The following FERMT2 variants were observed in gnomAD, a reference collection of about 807,000 sequenced individuals.
FERMT2 encodes fermitin family homolog 2.
A neutral mutation model predicts 82.7 loss-of-function variants in FERMT2; 15 were observed. That is an observed-to-expected ratio of 0.18 (90% confidence interval 0.12 to 0.28). FERMT2 has a LOEUF of 0.28. Ranked by LOEUF, FERMT2 falls within the 10% of genes least tolerant of loss-of-function variation. The probability of loss-of-function intolerance (pLI) is 1.00; values close to 1 mark genes in which losing one functional copy is unlikely to be tolerated. For synonymous variants in FERMT2, 274 were observed against 271.5 expected (o/e 1.01, Z -0.09); for missense variants, 645 against 809.4 (o/e 0.80, Z 2.46).
chr14:52,884,805 A>G (rs1886494535), intron 4 of FERMT2, among the ~76,000 whole-genome samples: 1 of 152,024 alleles, frequency 6.6e-6, no homozygotes, highest in South Asian at 2.1e-4. Flanking sequence ...GTTCAAGACC[A>G]GCCTGGCCAA....
In FERMT2 at chr14:52,859,590, T is replaced by C; in HGVS notation, c.1852A>G (p.Asn618Asp). 6.2e-7 allele frequency: 1 copy of C among 1,608,230 alleles called. No homozygotes were observed. The highest frequency in any genetic ancestry group is 8.5e-7 in the Non-Finnish European group (1 of 1,177,056). ...GAGTTTACCATTTTGATTTCCCAGT[T>C]GACATTCCACTGTTTCATGTTGCTG... ...RFSNMKQWNV[N>D]WEIKMVTVEF... Residue 618 changes from asparagine to aspartate, a missense_variant, in exon 14 of 15, where the codon AAC (asparagine) becomes GAC (aspartate). By Grantham distance (23) the Asn-to-Asp change is conservative (BLOSUM62 1). Coordinates refer to ENST00000341590, the MANE Select transcript of FERMT2 (RefSeq NM_006832.3).
At chr14:52,889,332 C>CA (rs1465391604) in intron 4 of FERMT2, among the ~76,000 whole-genome samples, 1 of 152,130 alleles carries the variant, frequency 6.6e-6, no homozygotes, top group African/African-American at 2.4e-5. Flanking sequence ...TTAGGACATT[C>CA]AAAGCTGTCC....
intron 2 of FERMT2, among the ~76,000 whole-genome samples, chr14:52,935,959 T>C (rs17093030): frequency 0.021 from 3,207 of 152,304 alleles, 77 homozygotes; most frequent in East Asian, 0.074. Context: ...ACAGAATGCA[T>C]AAACAGAAAG....
chr14:52,878,005 T>C (rs1371240570), intron 7 of FERMT2, among the ~76,000 whole-genome samples: 8 of 152,172 alleles, frequency 5.3e-5, no homozygotes, highest in Admixed American at 4.6e-4. Flanking sequence ...TAAGCTCCCC[T>C]ATAATTCTGA....
chr14:52,910,621 A>G (rs1483610428), intron 3 of FERMT2, among the ~76,000 whole-genome samples: 4 of 152,236 alleles, frequency 2.6e-5, no homozygotes, highest in African/African-American at 4.8e-5. Context: ...GGAAGAAAAA[A>G]TTATTACACA....
At chr14:52,866,527 T>C (rs1885290273) in intron 10 of FERMT2, among the ~76,000 whole-genome samples, 3 of 152,126 alleles carry the variant, frequency 2.0e-5, no homozygotes, top group Non-Finnish European at 4.4e-5. Flanking sequence ...CCTAGGTAAA[T>C]AAATCCCTCT....
intron 14 of FERMT2, 181 bp downstream of exon 14, chr14:52,859,392 T>A (rs892412539): frequency 5.7e-6 from 3 of 527,694 alleles, no homozygotes; most frequent in Non-Finnish European, 9.2e-6. Flanking sequence ...AGAATTTTAG[T>A]AACTGGGCTA....
At chr14:52,883,705 A>T (rs1414125314) in intron 4 of FERMT2, among the ~76,000 whole-genome samples, 1 of 152,140 alleles carries the variant, frequency 6.6e-6, no homozygotes, top group African/African-American at 2.4e-5. Context: ...GTAATCCCCA[A>T]TGTTGGAGGA....
At chr14:52,882,155 T>G (rs1210212315) in intron 4 of FERMT2, among the ~76,000 whole-genome samples, 1 of 152,184 alleles carries the variant, frequency 6.6e-6, no homozygotes, top group African/African-American at 2.4e-5. Flanking sequence ...TTCATATAGA[T>G]TAAGAATAAT....
chr14:52,880,001 C>T (rs924405413), intron 6 of FERMT2, among the ~76,000 whole-genome samples: 2 of 152,144 alleles, frequency 1.3e-5, no homozygotes, highest in Non-Finnish European at 2.9e-5. Context: ...TGGCTCAGGC[C>T]GGTAATCCCA....
At chr14:52,885,888 T>C (rs1886571679) in intron 4 of FERMT2, among the ~76,000 whole-genome samples, 1 of 150,320 alleles carries the variant, frequency 6.7e-6, no homozygotes, top group South Asian at 2.1e-4. Flanking sequence ...CAAGCAAGAG[T>C]AAACCTAGAA....
chr14:52,911,713 G>A (rs1257998859), intron 3 of FERMT2, among the ~76,000 whole-genome samples: 2 of 150,952 alleles, frequency 1.3e-5, no homozygotes, highest in Non-Finnish European at 2.9e-5. Context: ...TTAATCACTT[G>A]GCAAATCAAA....
chr14:52,934,870 G>A (rs1566760004), intron 2 of FERMT2, among the ~76,000 whole-genome samples: 1 of 152,202 alleles, frequency 6.6e-6, no homozygotes, highest in African/African-American at 2.4e-5. Context: ...ATGGGGGACA[G>A]AGAGGCAACA....
chr14:52,869,982 A>C (rs1885515430), intron 10 of FERMT2, among the ~76,000 whole-genome samples: 1 of 152,226 alleles, frequency 6.6e-6, no homozygotes, highest in Non-Finnish European at 1.5e-5. Context: ...AAATACAAAA[A>C]AACATATAGA....
chr14:52,918,889 T>C (rs533350075), intron 3 of FERMT2, among the ~76,000 whole-genome samples: 1 of 152,320 alleles, frequency 6.6e-6, no homozygotes, highest in Admixed American at 6.5e-5. Flanking sequence ...AAATAAAGTA[T>C]TAAATATCAG....
At chr14:52,912,479 A>C (rs1260945564) in intron 3 of FERMT2, among the ~76,000 whole-genome samples, 1 of 152,010 alleles carries the variant, frequency 6.6e-6, no homozygotes. Flanking sequence ...AGTGAAGCAG[A>C]AATTCCCTGA....
At chr14:52,950,219 G>A (rs1484218145) in intron 2 of FERMT2, among the ~76,000 whole-genome samples, 193 bp downstream of exon 2, 2 of 152,150 alleles carry the variant, frequency 1.3e-5, no homozygotes, top group African/African-American at 4.8e-5. Context: ...AAAATTCAGA[G>A]AATAGCAAAA....
At chr14:52,923,619 G>A (rs1889087356) in intron 2 of FERMT2, among the ~76,000 whole-genome samples, 1 of 151,350 alleles carries the variant, frequency 6.6e-6, no homozygotes, top group Non-Finnish European at 1.5e-5. Flanking sequence ...CATCAAAGGA[G>A]CTATCAACCT....
chr14:52,902,927 CAAA>C (rs761269935), intron 3 of FERMT2, among the ~76,000 whole-genome samples: 1 of 63,862 alleles, frequency 1.6e-5, no homozygotes, highest in Non-Finnish European at 3.2e-5. Context: ...TGATAGCCAC[CAAA>C]AAAAAAAAAA....
Sources: allele counts gnomAD v4.1 joint callset (sites outside exome capture counted in the v4.1 genomes callset), GRCh38; gene constraint gnomAD v4.1.1; transcripts MANE v1.5; gene names NCBI Gene and HGNC (gene_info 2026-07-23, HGNC 2026-07-21).